AGK: variants seen among roughly 807,000 people sequenced by gnomAD.
AGK encodes the protein acylglycerol kinase, mitochondrial.
Under a neutral mutation model 66.4 loss-of-function variants are expected in AGK, and 52 were observed. The ratio of observed to expected loss-of-function variants is 0.78; its 90% confidence interval spans 0.63 to 0.99. AGK has a LOEUF of 0.99. Ranked by LOEUF, AGK falls within the 50% of genes least tolerant of loss-of-function variation. AGK has a pLI of 0.00. For missense variants in AGK, 451 were observed against 506.6 expected, an observed-to-expected ratio of 0.89 and a Z score of 1.05; for synonymous variants, 182 against 181.1, an observed-to-expected ratio of 1.00 and a Z score of -0.04.
At chr7:141,607,333 A>G (rs776445819) in intron 5 of AGK, among the ~76,000 whole-genome samples, 1 of 151,946 alleles carries the variant, frequency 6.6e-6, no homozygotes, top group Non-Finnish European at 1.5e-5. Context: ...AGTGTTTTGG[A>G]TTTTAGCCAC....
intron 11 of AGK, among the ~76,000 whole-genome samples, chr7:141,639,018 C>A (rs1797231441): frequency 6.6e-6 from 1 of 151,942 alleles, no homozygotes; most frequent in South Asian, 2.1e-4. Context: ...TAAAGAACCA[C>A]CAAAAATGAC....
chr7:141,574,039 T>C (rs1795676621), intron 2 of AGK, among the ~76,000 whole-genome samples: 1 of 152,180 alleles, frequency 6.6e-6, no homozygotes, highest in Non-Finnish European at 1.5e-5. Flanking sequence ...AAATACATAA[T>C]GGCTGATGGC....
intron 1 of AGK, among the ~76,000 whole-genome samples, chr7:141,553,504 C>T (rs1399852469): frequency 6.6e-6 from 1 of 152,178 alleles, no homozygotes; most frequent in African/African-American, 2.4e-5. Flanking sequence ...ACATTTATCC[C>T]ACTGTACTGC....
intron 2 of AGK, among the ~76,000 whole-genome samples, chr7:141,578,306 G>C (rs1795797860): frequency 6.6e-6 from 1 of 151,796 alleles, no homozygotes; most frequent in African/African-American, 2.4e-5. Flanking sequence ...GGGAGCTTTT[G>C]AGCCAAGATG....
rs144078381 is a variant in AGK, at chr7:141,588,574, C to T, written c.102-4572C>T. Among the ~76,000 whole-genome samples the T allele has an allele frequency of 3.6e-3, 544 of 151,864 alleles. 3 individuals carry two copies. Among genetic ancestry groups the T allele is most frequent in the African/African-American group, 0.013 (519 of 41,384 alleles). On this transcript the variant is annotated intron_variant, in intron 2 of 15. Coordinates refer to ENST00000649286, the MANE Select transcript of AGK (RefSeq NM_018238.4). The stretch of plus-strand genomic sequence containing the variant: ...GAAGTTTCAGTGAGCCGAGACAGCG[C>T]CACTGCACTCCAGCCTGGGGGACAG...
chr7:141,603,921 T>C (rs1796393500), intron 5 of AGK, among the ~76,000 whole-genome samples: 1 of 152,228 alleles, frequency 6.6e-6, no homozygotes, highest in Non-Finnish European at 1.5e-5. Context: ...TTATCTACAG[T>C]GCCATTTTCA....
At chr7:141,617,246 T>C (rs1393403490) in intron 8 of AGK, among the ~76,000 whole-genome samples, 2 of 152,138 alleles carry the variant, frequency 1.3e-5, no homozygotes, top group African/African-American at 2.4e-5. Context: ...ACCATTTTCC[T>C]TGGAGACCCC....
intron 8 of AGK, 144 bp from the exon 9 acceptor site, chr7:141,621,588 A>C: frequency 8.1e-6 from 5 of 619,812 alleles, no homozygotes; most frequent in East Asian, 3.0e-5. Flanking sequence ...GAGAGAGGGA[A>C]GGAGGGGGAG....
chr7:141,618,815 C>T (rs1368156185), intron 8 of AGK, among the ~76,000 whole-genome samples: 1 of 152,060 alleles, frequency 6.6e-6, no homozygotes, highest in Non-Finnish European at 1.5e-5. Context: ...AATTAAAGTA[C>T]TTTCTAAATG....
chr7:141,586,211 A>G (rs1203901773), intron 2 of AGK, among the ~76,000 whole-genome samples: 2 of 152,132 alleles, frequency 1.3e-5, no homozygotes, highest in East Asian at 3.9e-4. Flanking sequence ...ACACACCCAC[A>G]CACCCTGGGA....
intron 5 of AGK, among the ~76,000 whole-genome samples, chr7:141,604,471 TC>T (rs1796413075): frequency 6.7e-6 from 1 of 149,770 alleles, no homozygotes; most frequent in African/African-American, 2.4e-5. Context: ...GAAATAATGT[TC>T]CTTTATCTCT....
chr7:141,630,644 GT>G (rs1360772840), intron 9 of AGK, among the ~76,000 whole-genome samples: 92 of 152,176 alleles, frequency 6.0e-4, no homozygotes, highest in African/African-American at 2.1e-3. Context: ...TACTCAATAG[GT>G]ATCTCAATAT....
chr7:141,596,323 A>G (rs1348800595), intron 3 of AGK, among the ~76,000 whole-genome samples: 2 of 152,138 alleles, frequency 1.3e-5, no homozygotes, highest in Non-Finnish European at 2.9e-5. Flanking sequence ...ATTTGCCTCT[A>G]GTAGATAAAG....
At chr7:141,559,919 T>C (rs1795301091) in intron 2 of AGK, among the ~76,000 whole-genome samples, 2 of 152,210 alleles carry the variant, frequency 1.3e-5, no homozygotes, top group African/African-American at 2.4e-5. Flanking sequence ...ATAACTGATT[T>C]TTGTGTGTTG....
At chr7:141,567,230 C>T (rs960841900) in intron 2 of AGK, among the ~76,000 whole-genome samples, 3 of 152,032 alleles carry the variant, frequency 2.0e-5, no homozygotes, top group African/African-American at 7.2e-5. Flanking sequence ...ATTTTGGAGT[C>T]ATCATATTTT....
intron 2 of AGK, among the ~76,000 whole-genome samples, chr7:141,573,115 T>C (rs1208382013): frequency 1.3e-5 from 2 of 152,296 alleles, no homozygotes; most frequent in East Asian, 3.9e-4. Flanking sequence ...TTGTTTTGCT[T>C]TTTAGCCATT....
intron 9 of AGK, among the ~76,000 whole-genome samples, chr7:141,629,603 GC>G (rs1797012312): frequency 6.6e-6 from 1 of 152,000 alleles, no homozygotes; most frequent in South Asian, 2.1e-4. Flanking sequence ...ACAGTCCTAT[GC>G]CCATCTGGAA....
intron 3 of AGK, among the ~76,000 whole-genome samples, chr7:141,596,267 T>C (rs1326382139): frequency 6.6e-6 from 1 of 152,230 alleles, no homozygotes; most frequent in African/African-American, 2.4e-5. Context: ...TTACTAATTA[T>C]ATGTTATAAT....
chr7:141,652,508 C>G (rs370238978), intron 15 of AGK: 1 of 274,524 alleles, frequency 3.6e-6, no homozygotes, highest in Non-Finnish European at 7.0e-6. Flanking sequence ...AAAATTATAA[C>G]CATGTTGTTC....
Sources: gnomAD v4.1 joint callset for allele counts (sites outside exome capture counted in the v4.1 genomes callset) on GRCh38, gnomAD v4.1.1 for gene constraint, MANE v1.5 for transcripts, NCBI Gene and HGNC (gene_info 2026-07-23, HGNC 2026-07-21) for gene names.